Variants in CFAP46 observed in about 807,000 individuals in gnomAD.
The protein encoded by CFAP46 is cilia and flagella associated protein 46.
In CFAP46, 245 loss-of-function variants were observed where a neutral mutation model predicts 325.7. That is an observed-to-expected ratio of 0.75 (90% CI 0.68 to 0.84). The LOEUF (loss-of-function observed/expected upper bound fraction) is 0.84, where lower values mean the gene tolerates loss of function less well. Among genes scored for constraint, CFAP46 ranks in the 40% least tolerant of loss-of-function variants. The probability of loss-of-function intolerance (pLI) is 0.00; values close to 1 mark genes in which losing one functional copy is unlikely to be tolerated. For synonymous variants in CFAP46, 1,523 were observed against 1,495.9 expected (o/e 1.02, Z -0.42); for missense variants, 3,346 against 3,543.0 (o/e 0.94, Z 1.41).
chr10:132,907,975 C>G (rs190490105), intron 22 of CFAP46, among the ~76,000 whole-genome samples: 2 of 152,254 alleles, frequency 1.3e-5, no homozygotes, highest in Non-Finnish European at 2.9e-5. Context: ...GGGAGCCCCC[C>G]GGTCTGTGGC....
At chr10:132,824,428 G>T (rs1847986008) in intron 50 of CFAP46, among the ~76,000 whole-genome samples, 1 of 121,722 alleles carries the variant, frequency 8.2e-6, no homozygotes, top group Non-Finnish European at 1.8e-5. Flanking sequence ...TGTGAGTGCT[G>T]ATGTGTGCTG....
chr10:132,887,279 CTCCTCCCCTCTTCTT>C lies in CFAP46; in HGVS notation c.3305-1335_3305-1321del, dbSNP rs1303976619. Among the ~76,000 whole-genome samples the C allele has an allele frequency of 1.3e-3, 152 of 117,220 alleles. 2 individuals are homozygous for C. Among genetic ancestry groups the C allele is most frequent in the Non-Finnish European group, 1.8e-3 (107 of 58,452 alleles). The allele number at this position is 117,220 out of a possible 152,430, so 76.9% of individuals were successfully genotyped here. ...CTCGCTTCTCTCTCTCCTCTCCTCT[CTCCTCCCCTCTTCTT>C]TCCTCTCCCCTCTTCTCTCCCCTCT... is the stretch of plus-strand genomic sequence containing the variant. On this transcript the variant is annotated intron_variant, in intron 25 of 57. Coordinates refer to ENST00000368586, the MANE Select transcript of CFAP46 (RefSeq NM_001200049.3).
At chr10:132,913,344 ACCAGGC>A in intron 17 of CFAP46, 86 bp from the exon 18 acceptor site, 1 of 534,978 alleles carries the variant, frequency 1.9e-6, no homozygotes, top group Non-Finnish European at 3.3e-6. Flanking sequence ...CCTGTTAGGA[ACCAGGC>A]TGCAGGGCAA....
rs1011202543 is a variant in CFAP46 at position 132,832,569 on chromosome 10, C to T, written c.7117+789G>A. 3.6e-5 allele frequency: 12 copies of T among 335,066 alleles called. No individual in the cohort carries two copies. Among genetic ancestry groups the T allele is most frequent in the African/African-American group, 1.5e-4 (7 of 45,970 alleles). 20.8% of individuals were successfully genotyped at this position (335,066 alleles called of 1,614,324 possible). A position where few individuals can be genotyped will look rare whatever the true frequency, so the allele number is the denominator to read the frequency against. On this transcript the variant is annotated intron_variant, in intron 50 of 57. Coordinates refer to ENST00000368586, the MANE Select transcript of CFAP46 (RefSeq NM_001200049.3). This position sits in a 1 kb window ranked among gnomAD's most constrained non-coding sequence, Gnocchi z 4.1. ...TTTTTATTTGTCTCAGCTGGAAGAA[C>T]GAATCTGGTCCCTGTTACTTCATCT...
At position 132,828,888 on chromosome 10, in the gene CFAP46, C is replaced by T. The variant is rs1362381081; in HGVS notation, c.7117+4470G>A. On this transcript the variant is annotated intron_variant, in intron 50 of 57. Coordinates refer to ENST00000368586, the MANE Select transcript of CFAP46 (RefSeq NM_001200049.3). The surrounding 1 kb of genome is among the most constrained non-coding windows in gnomAD (Gnocchi z 4.9). ...TTGCCAGCCACCACCCGGCTGTGCA[C>T]CTGTGGCGTGCTTCTGGTTCCCCGC... Among the ~76,000 whole-genome samples, 2 of 152,130 alleles carry T rather than the reference C, an allele frequency of 1.3e-5. No homozygotes were observed. The highest frequency in any genetic ancestry group is 1.3e-4 in the Admixed American group (2 of 15,264).
chr10:132,816,362 C>T (rs1270307952), intron 50 of CFAP46, among the ~76,000 whole-genome samples: 39 of 140,210 alleles, frequency 2.8e-4, no homozygotes, highest in African/African-American at 9.6e-4. Flanking sequence ...GACGGAGTCT[C>T]GCTCTGTCGC....
At chr10:132,921,956 C>A in intron 13 of CFAP46, 148 bp downstream of exon 13, 1 of 1,067,382 alleles carries the variant, frequency 9.4e-7, no homozygotes, top group Non-Finnish European at 1.3e-6. Context: ...CCCGGCGGGC[C>A]GAGATCGAAG....
At chr10:132,848,898 C>T (rs569166933) in intron 41 of CFAP46, among the ~76,000 whole-genome samples, 7 of 152,272 alleles carry the variant, frequency 4.6e-5, no homozygotes, top group Non-Finnish European at 8.8e-5. Flanking sequence ...TAGACCGTGT[C>T]GATCCTACGT....
rs1471428549 is a variant in CFAP46, at chr10:132,808,783, A to G, written c.7786T>C (p.Trp2596Arg). The change falls in exon 58 of 58, where the codon TGG becomes CGG. Residue 2596 changes from tryptophan (W) to arginine (R), a missense_variant. Physicochemically the swap from Trp to Arg is moderately radical, Grantham distance 101. Coordinates refer to ENST00000368586, the MANE Select transcript of CFAP46 (RefSeq NM_001200049.3). The surrounding 1 kb of genome is among the most constrained non-coding windows in gnomAD (Gnocchi z 6.8). Reference sequence around the variant, plus strand: ...CCAGCAGCTGATGGGAGGCAGGTCCAGGCCTGCACTACCCGATGGCTTGGT... The same window carrying G: ...CCAGCAGCTGATGGGAGGCAGGTCCGGGCCTGCACTACCCGATGGCTTGGT... ...AAPSHRVVQAWTCLPSAAGAP... is the reference protein window; with the variant it reads ...AAPSHRVVQARTCLPSAAGAP... 3 of 1,599,028 alleles carry G rather than the reference A, an allele frequency of 1.9e-6. No individual in the cohort carries two copies. The highest frequency in any genetic ancestry group is 2.7e-5 in the African/African-American group (2 of 74,822).
At chr10:132,820,694 CTGATGTGTGCTGTGTGTGCGCTGA>C (rs1847782091) in intron 50 of CFAP46, among the ~76,000 whole-genome samples, 1 of 79,286 alleles carries the variant, frequency 1.3e-5, no homozygotes, top group Non-Finnish European at 2.8e-5. Context: ...GCTGTGTGTG[CTGATGTGTGCTGTGTGTGCGCTGA>C]TGTGTGCTGT....
intron 21 of CFAP46, 71 bp from the exon 22 acceptor site, chr10:132,908,705 C>A: frequency 6.2e-6 from 9 of 1,453,348 alleles, no homozygotes; most frequent in East Asian, 2.5e-5. Flanking sequence ...GCAGCCCCCA[C>A]GGACCACGCA....
At chr10:132,866,531 G>C (rs990504693) in intron 34 of CFAP46, among the ~76,000 whole-genome samples, 14 of 152,202 alleles carry the variant, frequency 9.2e-5, no homozygotes, top group African/African-American at 2.9e-4. Context: ...AACAACCCTG[G>C]GATCTGGGCC....
In CFAP46 at chr10:132,918,437, CG is replaced by C; in HGVS notation, c.1941del (p.Asp648ThrfsTer26). 2 of 1,549,398 alleles carry C rather than the reference CG, an allele frequency of 1.3e-6. No homozygotes were observed. Among genetic ancestry groups the C allele is most frequent in the Non-Finnish European group, 1.7e-6 (2 of 1,146,170 alleles). ...ACCTCCGCGAACTTCCGCAGCAGGT[CG>C]GGGCACACCTGCCTCTGCAGGACGA... ...PEVVLQRQVC[P>X]DLLRKFAEVG... is the part of the protein sequence containing the mutation. On this transcript the variant is annotated frameshift_variant, in exon 16 of 58. Transcript: ENST00000368586. LOFTEE classifies it high-confidence loss of function.
Position 132,812,819 on chromosome 10 carries a change from T to C in CFAP46, c.7467A>G (p.Ile2489Met), listed in dbSNP as rs1186225736. The C allele has an allele frequency of 6.2e-7, 1 of 1,612,320 alleles. No individual in the cohort carries two copies. Among genetic ancestry groups the C allele is most frequent in the African/African-American group, 1.3e-5 (1 of 74,880 alleles). ...FYGMESFLSH[I>M]LVERLVAMNL... ...TCATGGCGACCAATCTCTCCACTAA[T>C]ATATGGGACAGGAAGCTCTCCATTC... The change falls in exon 55 of 58, where the codon ATA becomes ATG. Residue 2489 changes from isoleucine to methionine, a missense_variant. Coordinates refer to ENST00000368586, the MANE Select transcript of CFAP46 (RefSeq NM_001200049.3).
chr10:132,856,305 A>G (rs1848641613), intron 39 of CFAP46, among the ~76,000 whole-genome samples: 1 of 152,112 alleles, frequency 6.6e-6, no homozygotes, highest in Admixed American at 6.5e-5. Context: ...ATATAGTTTC[A>G]TTCCTCTTTC....
intron 11 of CFAP46, 121 bp downstream of exon 11, chr10:132,924,574 CA>C: frequency 1.0e-6 from 1 of 984,736 alleles, no homozygotes; most frequent in Non-Finnish European, 1.4e-6. Context: ...TTATTGAGTA[CA>C]GGGGGAGTCT....
At chr10:132,871,434 T>C (rs1340521887) in intron 32 of CFAP46, among the ~76,000 whole-genome samples, 1 of 152,232 alleles carries the variant, frequency 6.6e-6, no homozygotes, top group Non-Finnish European at 1.5e-5. Flanking sequence ...GCAAAGTGAA[T>C]TGAAAACCTT....
Position 132,810,381 on chromosome 10 carries a change from C to T in CFAP46, c.7664+28G>A, listed in dbSNP as rs563369236. The T allele has an allele frequency of 3.2e-5, 51 of 1,607,190 alleles. No individual in the cohort carries two copies. In the Admixed American group the frequency reaches 5.3e-4, roughly 17 times the overall value. ...AGTGGCTGCAGAGGGTGCTGAAGGC[C>T]GCGGGGTGCAGGCCGCCCCTCCCTT... On this transcript the variant is annotated intron_variant, in intron 57 of 57. Coordinates refer to ENST00000368586, the MANE Select transcript of CFAP46 (RefSeq NM_001200049.3).
In CFAP46 at chr10:132,894,056, C is replaced by G. The variant is rs188426136; in HGVS notation, c.3220-1639G>C. On this transcript the variant is annotated intron_variant, in intron 24 of 57. Coordinates refer to ENST00000368586, the MANE Select transcript of CFAP46 (RefSeq NM_001200049.3). ...AACACACTTTGAGGTTGCTGCAGCC[C>G]CCTGAGGGTTCGCCGCTGGTAACAC... Among the ~76,000 whole-genome samples, 131 of 151,880 alleles carry G rather than the reference C, an allele frequency of 8.6e-4. 1 individual carries two copies. Among genetic ancestry groups the G allele is most frequent in the Non-Finnish European group, 1.7e-3 (114 of 67,960 alleles).
Sources: gnomAD v4.1 joint callset for allele counts (sites outside exome capture counted in the v4.1 genomes callset) on GRCh38, gnomAD v4.1.1 for gene constraint, Gnocchi (gnomAD v3.1) non-coding constraint, MANE v1.5 for transcripts, NCBI Gene and HGNC (gene_info 2026-07-23, HGNC 2026-07-21) for gene names.